GCNA: variants seen among roughly 807,000 people sequenced by gnomAD.
The protein encoded by GCNA is germ cell nuclear acidic peptidase, also known as germ cell nuclear acidic protein.
GCNA carries 3 observed loss-of-function variants against 38.8 expected under a neutral mutation model. The ratio of observed to expected loss-of-function variants is 0.08; its 90% CI spans 0.04 to 0.20. The LOEUF is 0.20. Among genes scored for constraint, GCNA ranks in the 10% least tolerant of loss-of-function variants. The probability of loss-of-function intolerance (pLI) is 1.00; values close to 1 mark genes in which losing one functional copy is unlikely to be tolerated. For missense variants in GCNA, 446 were observed against 578.6 expected (o/e 0.77, Z 2.35); for synonymous variants, 195 against 240.2 (o/e 0.81, Z 1.74).
At chrX:71,594,004 C>A (rs1324206669) in intron 4 of GCNA, among the ~76,000 whole-genome samples, 1 of 111,941 alleles carries the variant, frequency 8.9e-6, no homozygotes, top group Non-Finnish European at 1.9e-5. Context: ...GCGTGAGCCT[C>A]CATGCCTGGC....
chrX:71,580,373 A>C (rs1436437668), intron 1 of GCNA: 1 of 112,179 alleles, frequency 8.9e-6, no homozygotes, highest in African/African-American at 3.3e-5. Flanking sequence ...TTTCGGCTTT[A>C]AGGTGGGGAA....
chrX:71,580,568 G>T, intron 1 of GCNA: 1 of 243,307 alleles, frequency 4.1e-6, no homozygotes, highest in Non-Finnish European at 7.4e-6. Context: ...TCTGCCTCCC[G>T]GGTTCACGCC....
intron 2 of GCNA, among the ~76,000 whole-genome samples, chrX:71,583,198 G>A (rs1220545966): frequency 8.9e-6 from 1 of 112,580 alleles, no homozygotes; most frequent in Admixed American, 9.4e-5. Flanking sequence ...TAACTTTCTA[G>A]AAGGATAAAT....
Position 71,580,871 on chromosome X carries a change from A to G in GCNA, c.50A>G (p.Asp17Gly). Residue 17 changes from aspartate (D) to glycine (G), a missense_variant, in exon 2 of 13, where the codon GAC (aspartate) becomes GGC (glycine). Coordinates refer to ENST00000373696, the MANE Select transcript of GCNA (RefSeq NM_052957.5). ...ELPRLQEPEE[D>G]EDCYILNVQS... is the part of the protein sequence containing the mutation. Reference sequence around the variant, plus strand: ...CCCCGCTTGCAAGAGCCGGAGGAGGACGAGGATTGGTGAGATTTAGAAAGT... The same window carrying G: ...CCCCGCTTGCAAGAGCCGGAGGAGGGCGAGGATTGGTGAGATTTAGAAAGT... 1 of 1,199,561 alleles carries G rather than the reference A, an allele frequency of 8.3e-7. No individual in the cohort carries two copies. Among genetic ancestry groups the G allele is most frequent in the Non-Finnish European group, 1.1e-6 (1 of 888,738 alleles).
chrX:71,585,597 C>T (rs1283135003), intron 2 of GCNA, among the ~76,000 whole-genome samples: 2 of 110,636 alleles, frequency 1.8e-5, no homozygotes, highest in Non-Finnish European at 3.8e-5. Context: ...CAGACACCAA[C>T]CTGCCAGTCT....
chrX:71,608,964 T>C lies in GCNA; in HGVS notation c.1467-9T>C. 8.3e-7 allele frequency: 1 copy of C among 1,206,434 alleles called. No homozygotes were observed. The highest frequency in any genetic ancestry group is 1.1e-6 in the Non-Finnish European group (1 of 892,913). ...GCTACATAAACCTCAGTTGAATTTA[T>C]CTTTGCAGGACTCCTAAATGCAAAG... is the stretch of plus-strand genomic sequence containing the variant. On this transcript the variant is annotated splice_polypyrimidine_tract_variant and intron_variant, in intron 9 of 12. Coordinates refer to ENST00000373696, the MANE Select transcript of GCNA (RefSeq NM_052957.5).
chrX:71,607,619 C>T (rs776281167), intron 9 of GCNA, among the ~76,000 whole-genome samples: 5 of 111,888 alleles, frequency 4.5e-5, no homozygotes, highest in Admixed American at 9.5e-5. Flanking sequence ...GATGGGGCAG[C>T]GATTGTGGTT....
At chrX:71,601,208 G>A (rs1208668026) in intron 7 of GCNA, among the ~76,000 whole-genome samples, 1 of 110,599 alleles carries the variant, frequency 9.0e-6, no homozygotes, top group Non-Finnish European at 1.9e-5. Context: ...GCTGGGTGTG[G>A]TGGTGCGTGC....
chrX:71,592,103 A>G lies in GCNA; in HGVS notation c.60-19A>G. 1 of 1,183,043 alleles carries G rather than the reference A, an allele frequency of 8.5e-7. No individual in the cohort carries two copies. Among genetic ancestry groups the G allele is most frequent in the Admixed American group, 2.2e-5 (1 of 45,060 alleles). On this transcript the variant is annotated intron_variant, in intron 2 of 12. Transcript: ENST00000373696. The stretch of plus-strand genomic sequence containing the variant: ...GTCGATAGCCCTCCTTTTATAAAGT[A>G]TCTCTTTTATTTTTGCAGTTACATC...
chrX:71,606,621 G>A (rs1259631607), intron 9 of GCNA, among the ~76,000 whole-genome samples: 1 of 111,755 alleles, frequency 8.9e-6, no homozygotes, highest in African/African-American at 3.2e-5. Flanking sequence ...TGTATATTAA[G>A]GGAGGGGAAA....
At chrX:71,609,834 A>G (rs1003444747) in intron 10 of GCNA, among the ~76,000 whole-genome samples, 1 of 112,057 alleles carries the variant, frequency 8.9e-6, no homozygotes, top group African/African-American at 3.2e-5. Flanking sequence ...GGATTGGAGA[A>G]AATCTGGAGG....
intron 6 of GCNA, among the ~76,000 whole-genome samples, chrX:71,595,404 CTTT>C (rs1436501787): frequency 4.5e-5 from 5 of 112,079 alleles, no homozygotes; most frequent in African/African-American, 1.6e-4. Flanking sequence ...CTTGTTTCTT[CTTT>C]TTAAGTGGCT....
chrX:71,592,554 C>T lies in GCNA; in HGVS notation c.124C>T (p.Pro42Ser), dbSNP rs1480992903. 2 of 1,119,966 alleles carry T rather than the reference C, an allele frequency of 1.8e-6. No individual in the cohort carries two copies. The highest frequency in any genetic ancestry group is 2.3e-6 in the Non-Finnish European group (2 of 856,659). The allele number at this position is 1,119,966 out of a possible 1,213,427, so 92.3% of individuals were successfully genotyped here. The stretch of plus-strand genomic sequence containing the variant: ...TGATTTAGCTGTGGCCAGAAGAGCT[C>T]CGAAGAGACAGGCGAGGTGAGTAGG... ...TSGSSVARRA[P>S]KRQASCILNV... is the part of the protein sequence containing the mutation. Residue 42 changes from proline (P) to serine (S), a missense_variant, in exon 4 of 13, where the codon CCG becomes TCG. Physicochemically the swap from Pro to Ser is moderately conservative, Grantham distance 74. Around this residue, in one of 7 missense-constraint regions of GCNA, gnomAD observed 25 missense variants for 52.8 expected, o/e 0.47. Transcript: ENST00000373696.
intron 4 of GCNA, among the ~76,000 whole-genome samples, chrX:71,593,238 A>C (rs1787037618): frequency 8.9e-6 from 1 of 111,934 alleles, no homozygotes; most frequent in Admixed American, 9.5e-5. Flanking sequence ...CCTTATAGCT[A>C]TTATGTCCCC....
intron 4 of GCNA, 35 bp from the exon 5 acceptor site, chrX:71,594,296 C>CATA (rs2040653335): frequency 9.1e-7 from 1 of 1,103,239 alleles, no homozygotes; most frequent in Non-Finnish European, 1.2e-6. Context: ...CGTCGATAGC[C>CATA]CTCCTTTTAT....
intron 4 of GCNA, among the ~76,000 whole-genome samples, chrX:71,593,993 G>A (rs1449280199): frequency 1.8e-5 from 2 of 112,020 alleles, no homozygotes; most frequent in Non-Finnish European, 3.8e-5. Flanking sequence ...TGGGATTACA[G>A]GCGTGAGCCT....
At chrX:71,593,043 G>T (rs189791227) in intron 4 of GCNA, among the ~76,000 whole-genome samples, 1 of 111,276 alleles carries the variant, frequency 9.0e-6, no homozygotes, top group African/African-American at 3.3e-5. Flanking sequence ...ATAGGCACAC[G>T]CTACCATGCC....
Position 71,596,534 on chromosome X carries a change from C to T in GCNA, c.222-1416C>T, listed in dbSNP as rs1160897641. 7.2e-5 allele frequency among the ~76,000 whole-genome samples: 8 copies of T among 111,600 alleles called. No homozygotes were observed. The East Asian group carries it at 2.2e-3, about 31-fold the overall frequency. ...GTATAATATTATACATAATGAAGTC[C>T]TTATTTGATAATTAAAATGTATCTG... On this transcript the variant is annotated intron_variant, in intron 6 of 12. Coordinates refer to ENST00000373696, the MANE Select transcript of GCNA (RefSeq NM_052957.5).
chrX:71,595,621 A>G (rs2040665606), intron 6 of GCNA, among the ~76,000 whole-genome samples: 1 of 111,826 alleles, frequency 8.9e-6, no homozygotes. Context: ...CTATTAATGA[A>G]TCCTCTGTTC....
Sources: gnomAD v4.1 joint callset for allele counts (sites outside exome capture counted in the v4.1 genomes callset) on GRCh38, gnomAD v4.1.1 for gene constraint, gnomAD v4.1.1 regional missense constraint, MANE v1.5 for transcripts, NCBI Gene and HGNC (gene_info 2026-07-23, HGNC 2026-07-21) for gene names.